The following TEK variants were observed in gnomAD, a reference collection of about 807,000 sequenced individuals.
TEK encodes the protein TEK receptor tyrosine kinase.
A neutral mutation model predicts 131.8 loss-of-function variants in TEK; 43 were observed. The ratio of observed to expected loss-of-function variants is 0.33; its 90% CI spans 0.26 to 0.42. TEK has a LOEUF of 0.42. TEK is among the 10% of genes least tolerant of loss of function. TEK has a pLI of 1.00. For missense variants in TEK, 1,162 were observed against 1,384.4 expected, an observed-to-expected ratio of 0.84 and a Z score of 2.55; for synonymous variants, 580 against 491.6, an observed-to-expected ratio of 1.18 and a Z score of -2.38.
At chr9:27,145,888 C>A (rs571008795) in intron 1 of TEK, among the ~76,000 whole-genome samples, 4 of 152,222 alleles carry the variant, frequency 2.6e-5, no homozygotes, top group Non-Finnish European at 5.9e-5. Flanking sequence ...AAATAAAAAT[C>A]TTTATTTTAA....
chr9:27,156,724 T>C, intron 1 of TEK, among the ~76,000 whole-genome samples: 1 of 152,038 alleles, frequency 6.6e-6, no homozygotes. Flanking sequence ...CCTCACAGAG[T>C]TGCTGAATTT....
At chr9:27,155,995 G>A (rs567483749) in intron 1 of TEK, among the ~76,000 whole-genome samples, 60 of 152,158 alleles carry the variant, frequency 3.9e-4, no homozygotes, top group Admixed American at 1.1e-3. Context: ...TAGAGACAAC[G>A]TTTCACCATG....
intron 21 of TEK, among the ~76,000 whole-genome samples, chr9:27,224,556 C>A (rs1826229481): frequency 2.6e-5 from 4 of 152,048 alleles, no homozygotes; most frequent in African/African-American, 9.7e-5. Context: ...AAATTCAACA[C>A]CCCCTCAGGC....
chr9:27,190,779 C>T (rs1824789222), intron 10 of TEK, 89 bp downstream of exon 10: 1 of 1,535,636 alleles, frequency 6.5e-7, no homozygotes, highest in Non-Finnish European at 9.0e-7. Context: ...TTCTCCCTGC[C>T]TCAATCCTCT....
chr9:27,147,625 A>G (rs1274364494), intron 1 of TEK, among the ~76,000 whole-genome samples: 2 of 152,192 alleles, frequency 1.3e-5, no homozygotes, highest in East Asian at 3.8e-4. Context: ...CATGGTGTCT[A>G]TGACAGCTAA....
intron 1 of TEK, among the ~76,000 whole-genome samples, chr9:27,139,210 CT>C (rs1822624945): frequency 2.9e-5 from 1 of 34,096 alleles, no homozygotes; most frequent in Non-Finnish European, 7.3e-5. Flanking sequence ...GAGACTCTGT[CT>C]CAAAAAAAAA....
intron 18 of TEK, among the ~76,000 whole-genome samples, chr9:27,216,013 C>G (rs530758651): frequency 6.6e-6 from 1 of 152,158 alleles, no homozygotes; most frequent in African/African-American, 2.4e-5. Flanking sequence ...AAGCATGAAA[C>G]CTTTAGGAGA....
At chr9:27,185,055 G>T (rs1385257245) in intron 8 of TEK, among the ~76,000 whole-genome samples, 1 of 150,586 alleles carries the variant, frequency 6.6e-6, no homozygotes, top group Non-Finnish European at 1.5e-5. Context: ...AAAAAAAAAT[G>T]GCAGAGGTCC....
chr9:27,220,183 C>T (rs1826006483), intron 21 of TEK, 38 bp downstream of exon 21: 2 of 1,602,768 alleles, frequency 1.2e-6, no homozygotes, highest in African/African-American at 2.7e-5. Flanking sequence ...TTTGTCTTAC[C>T]TTCCCCCTGT....
At chr9:27,125,428 C>T (rs947614216) in intron 1 of TEK, among the ~76,000 whole-genome samples, 4 of 152,200 alleles carry the variant, frequency 2.6e-5, no homozygotes, top group African/African-American at 9.7e-5. Flanking sequence ...CTAGGAGAGC[C>T]GGTGACTAAG....
chr9:27,223,579 GAC>G (rs1292561159), intron 21 of TEK, among the ~76,000 whole-genome samples: 34 of 152,204 alleles, frequency 2.2e-4, no homozygotes. Context: ...TGAGAACAAA[GAC>G]ACAACATACC....
intron 1 of TEK, among the ~76,000 whole-genome samples, chr9:27,151,030 A>G (rs1564061886): frequency 6.6e-6 from 1 of 152,200 alleles, no homozygotes; most frequent in Admixed American, 6.5e-5. Flanking sequence ...GTCACAGCCC[A>G]GTCACATCCA....
chr9:27,174,665 AG>A (rs1319636278), intron 6 of TEK, among the ~76,000 whole-genome samples: 3 of 152,112 alleles, frequency 2.0e-5, no homozygotes, highest in Non-Finnish European at 2.9e-5. Context: ...GTTACACAAA[AG>A]TAAGCTTCAG....
chr9:27,220,281 C>T, intron 21 of TEK, 136 bp downstream of exon 21: 4 of 747,482 alleles, frequency 5.4e-6, no homozygotes, highest in Non-Finnish European at 9.5e-6. Flanking sequence ...AATAGGAACC[C>T]CTCCCCTTTT....
intron 1 of TEK, among the ~76,000 whole-genome samples, chr9:27,111,384 G>C (rs1164802643): frequency 6.6e-6 from 1 of 152,156 alleles, no homozygotes; most frequent in Non-Finnish European, 1.5e-5. Flanking sequence ...CAAGAATCCA[G>C]CTAGATAATG....
intron 1 of TEK, among the ~76,000 whole-genome samples, chr9:27,124,682 C>T (rs1821921283): frequency 6.6e-6 from 1 of 152,194 alleles, no homozygotes; most frequent in African/African-American, 2.4e-5. Flanking sequence ...ACTCACTCGG[C>T]TTCATCTGTA....
chr9:27,173,742 T>TTG (rs1226416258), intron 6 of TEK, among the ~76,000 whole-genome samples: 28 of 137,006 alleles, frequency 2.0e-4, no homozygotes, highest in Non-Finnish European at 2.7e-4. Context: ...TTTTGGTTTT[T>TTG]TTTTTTTTTT....
chr9:27,131,386 G>A (rs766973449), intron 1 of TEK, among the ~76,000 whole-genome samples: 5 of 150,838 alleles, frequency 3.3e-5, no homozygotes, highest in Non-Finnish European at 5.9e-5. Flanking sequence ...GGCTGAGGAG[G>A]TTGGATCAGC....
intron 6 of TEK, among the ~76,000 whole-genome samples, chr9:27,175,394 A>G (rs1824128327): frequency 6.6e-6 from 1 of 151,066 alleles, no homozygotes; most frequent in African/African-American, 2.4e-5. Flanking sequence ...TCATTGTTGG[A>G]CATTTGGGTT....
Sources: allele counts gnomAD v4.1 joint callset (sites outside exome capture counted in the v4.1 genomes callset), GRCh38; gene constraint gnomAD v4.1.1; transcripts MANE v1.5; gene names NCBI Gene and HGNC (gene_info 2026-07-23, HGNC 2026-07-21).